Variants in OTUD7A observed in about 807,000 individuals in gnomAD.
OTUD7A encodes the protein OTU deubiquitinase 7A.
OTUD7A carries 12 observed loss-of-function variants against 65.7 expected under a neutral mutation model. The ratio of observed to expected loss-of-function variants is 0.18; its 90% CI spans 0.12 to 0.30. OTUD7A has a LOEUF of 0.30. Ranked by LOEUF, OTUD7A falls within the 10% of genes least tolerant of loss-of-function variation. The pLI is 1.00. For missense variants in OTUD7A, 1,148 were observed against 1,304.8 expected, an observed-to-expected ratio of 0.88 and a Z score of 1.85; for synonymous variants, 641 against 586.3, an observed-to-expected ratio of 1.09 and a Z score of -1.35.
In OTUD7A at chr15:31,501,727, A is replaced by G. The variant is rs7164569; in HGVS notation, c.1134T>C (p.Leu378=). The G allele has an allele frequency of 0.35, 570,991 of 1,613,672 alleles. 103,573 individuals are homozygous for G. The highest frequency in any genetic ancestry group is 0.48 in the African/African-American group (35,736 of 74,934). The stretch of plus-strand genomic sequence containing the variant: ...GCTGGTCTCTCTGTTCCATGGACAC[A>G]AGGGCAGAGAAATGGGCTTGATCAT... ...LAYDQAHFSA[L]VSMEQRDQQR... Residue 378 remains leucine, a synonymous_variant, in exon 10 of 13, where the codon CTT becomes CTC. Transcript: ENST00000307050.
intron 1 of OTUD7A, among the ~76,000 whole-genome samples, chr15:31,674,242 C>T (rs1216969728): frequency 1.3e-5 from 2 of 152,054 alleles, no homozygotes; most frequent in African/African-American, 4.8e-5. Context: ...GCACAGATAC[C>T]CCAGTGTGTC....
chr15:31,564,916 A>C (rs958305244), intron 4 of OTUD7A, among the ~76,000 whole-genome samples: 1 of 152,194 alleles, frequency 6.6e-6, no homozygotes, highest in Non-Finnish European at 1.5e-5. Context: ...GCAGATTTCA[A>C]GATAAAAACC....
intron 1 of OTUD7A, among the ~76,000 whole-genome samples, chr15:31,680,954 A>G (rs749836552): frequency 6.7e-6 from 1 of 150,084 alleles, no homozygotes; most frequent in Non-Finnish European, 1.5e-5. Flanking sequence ...CATGCGGAAG[A>G]TACCATATCT....
At chr15:31,539,603 C>T (rs1255026412) in intron 5 of OTUD7A, among the ~76,000 whole-genome samples, 3 of 152,096 alleles carry the variant, frequency 2.0e-5, no homozygotes, top group Non-Finnish European at 4.4e-5. Context: ...ACAAAAATGA[C>T]TTTGGGGCCA....
At chr15:31,866,684 G>A (rs757513544) in intron 1 of OTUD7A, among the ~76,000 whole-genome samples, 2 of 152,184 alleles carry the variant, frequency 1.3e-5, no homozygotes, top group African/African-American at 2.4e-5. Flanking sequence ...AAAAGAACCA[G>A]CATATCTTAT....
intron 10 of OTUD7A, among the ~76,000 whole-genome samples, chr15:31,493,898 A>G (rs2041350861): frequency 6.6e-6 from 1 of 152,244 alleles, no homozygotes; most frequent in Non-Finnish European, 1.5e-5. Context: ...CTCATATTAG[A>G]TGAGAAAACA....
intron 3 of OTUD7A, among the ~76,000 whole-genome samples, chr15:31,588,781 A>G (rs1041970972): frequency 1.3e-5 from 2 of 152,110 alleles, no homozygotes; most frequent in African/African-American, 4.8e-5. Flanking sequence ...GCAGCAGCCC[A>G]CTCAACCAGC....
At chr15:31,601,494 C>A (rs1047075055) in intron 3 of OTUD7A, among the ~76,000 whole-genome samples, 2 of 152,074 alleles carry the variant, frequency 1.3e-5, no homozygotes, top group Non-Finnish European at 2.9e-5. Flanking sequence ...TAAATGCCCA[C>A]AAGAGAAAGC....
intron 3 of OTUD7A, among the ~76,000 whole-genome samples, chr15:31,648,414 A>G (rs1048116934): frequency 4.6e-5 from 7 of 152,190 alleles, no homozygotes; most frequent in African/African-American, 7.2e-5. Context: ...AAACCAGGAC[A>G]CCAACAAATG....
chr15:31,847,533 G>T (rs1173915236), intron 1 of OTUD7A, among the ~76,000 whole-genome samples: 2 of 152,154 alleles, frequency 1.3e-5, no homozygotes, highest in Non-Finnish European at 2.9e-5. Context: ...ACTGGGGTTG[G>T]TTACTGCAGG....
At chr15:31,821,138 T>C (rs1326275744) in intron 1 of OTUD7A, among the ~76,000 whole-genome samples, 1 of 139,606 alleles carries the variant, frequency 7.2e-6, no homozygotes, top group South Asian at 2.5e-4. Flanking sequence ...CATTTCTTTT[T>C]TTTTTTTTTT....
chr15:31,637,434 C>T (rs1891375548), intron 3 of OTUD7A, among the ~76,000 whole-genome samples: 2 of 152,210 alleles, frequency 1.3e-5, no homozygotes, highest in African/African-American at 4.8e-5. Flanking sequence ...TTTGACAATG[C>T]ACCTAGTTAC....
intron 1 of OTUD7A, chr15:31,765,939 T>C (rs1350982460): frequency 1.5e-6 from 2 of 1,333,382 alleles, no homozygotes; most frequent in African/African-American, 1.4e-5. Context: ...TTTAACAATA[T>C]TTTCTAAAAG....
At chr15:31,654,582 GA>G (rs796899434) in intron 3 of OTUD7A, among the ~76,000 whole-genome samples, 7 of 146,094 alleles carry the variant, frequency 4.8e-5, no homozygotes, top group East Asian at 2.0e-4. Context: ...GCCGCCATCA[GA>G]AAAAAAAAAG....
chr15:31,476,221 C>G lies in OTUD7A; in HGVS notation c.*7073G>C, dbSNP rs1214528218. ...CAAGCTCCTACTGAACGGTGACTGG[C>G]TCTGTCAGAGGTGGGGCTTGCCTCT... On this transcript the variant is annotated 3_prime_UTR_variant, in exon 13 of 13. Transcript: ENST00000307050. The G allele has an allele frequency of 6.6e-6, 1 of 152,250 alleles. No homozygotes were observed. The highest frequency in any genetic ancestry group is 1.5e-5 in the Non-Finnish European group (1 of 68,054). 9.4% of individuals were successfully genotyped at this position (152,250 alleles called of 1,614,324 possible).
chr15:31,778,217 A>C (rs1487744159), intron 1 of OTUD7A, among the ~76,000 whole-genome samples: 1 of 152,186 alleles, frequency 6.6e-6, no homozygotes, highest in African/African-American at 2.4e-5. Flanking sequence ...CCTTGTCTAC[A>C]AGGCTGTTCT....
intron 1 of OTUD7A, among the ~76,000 whole-genome samples, chr15:31,714,572 G>A (rs1226694963): frequency 6.6e-6 from 1 of 152,108 alleles, no homozygotes; most frequent in African/African-American, 2.4e-5. Flanking sequence ...TTTTCTGTAT[G>A]TACATTATTC....
intron 5 of OTUD7A, among the ~76,000 whole-genome samples, chr15:31,543,059 G>A (rs1017692720): frequency 9.2e-5 from 14 of 151,774 alleles, no homozygotes; most frequent in African/African-American, 3.4e-4. Flanking sequence ...TAAGCATATG[G>A]GTAAATCAAA....
chr15:31,681,379 AG>A (rs745906592), intron 1 of OTUD7A, among the ~76,000 whole-genome samples: 35 of 152,070 alleles, frequency 2.3e-4, no homozygotes, highest in Non-Finnish European at 3.4e-4. Flanking sequence ...GTATGTCTGT[AG>A]GTCTTTGTGC....
Sources: gnomAD v4.1 joint callset for allele counts (sites outside exome capture counted in the v4.1 genomes callset) on GRCh38, gnomAD v4.1.1 for gene constraint, MANE v1.5 for transcripts, NCBI Gene and HGNC (gene_info 2026-07-23, HGNC 2026-07-21) for gene names.